PLPPR1: variants seen among roughly 807,000 people sequenced by gnomAD.
PLPPR1 encodes phospholipid phosphatase related 1.
In PLPPR1, 10 loss-of-function variants were observed where a neutral mutation model predicts 33.1. That is an observed-to-expected ratio of 0.30 (90% CI 0.19 to 0.51). PLPPR1 has a LOEUF of 0.51. Among genes scored for constraint, PLPPR1 ranks in the 20% least tolerant of loss-of-function variants. The pLI, the probability that PLPPR1 is intolerant of heterozygous loss-of-function variation, is 0.97. For synonymous variants in PLPPR1, 151 were observed against 151.0 expected, an observed-to-expected ratio of 1.00 and a Z score of 0.00; for missense variants, 304 against 408.1, an observed-to-expected ratio of 0.74 and a Z score of 2.20.
intron 1 of PLPPR1, among the ~76,000 whole-genome samples, chr9:101,128,407 T>G (rs1453778145): frequency 6.6e-6 from 1 of 152,230 alleles, no homozygotes; most frequent in Non-Finnish European, 1.5e-5. Context: ...TGAGATATAA[T>G]AATAATCTTA....
intron 1 of PLPPR1, among the ~76,000 whole-genome samples, chr9:101,071,685 T>A (rs1830484455): frequency 6.6e-6 from 1 of 152,134 alleles, no homozygotes. Flanking sequence ...TGCAGCTTTC[T>A]GGTAATGATA....
chr9:101,038,291 T>G (rs998688730), intron 1 of PLPPR1, among the ~76,000 whole-genome samples: 1 of 152,320 alleles, frequency 6.6e-6, no homozygotes, highest in East Asian at 1.9e-4. Flanking sequence ...TAGAGCTCAG[T>G]TGATATATCT....
intron 2 of PLPPR1, chr9:101,187,384 A>G (rs7037211): frequency 0.58 from 86,756 of 150,660 alleles, 25,740 homozygotes; most frequent in Non-Finnish European, 0.63. Flanking sequence ...GCAGCAACAA[A>G]GGAGATAAAT....
At chr9:101,090,787 T>C (rs1171152230) in intron 1 of PLPPR1, among the ~76,000 whole-genome samples, 3 of 152,182 alleles carry the variant, frequency 2.0e-5, no homozygotes, top group Admixed American at 6.6e-5. Flanking sequence ...CCTTTCCTTC[T>C]TGAAACATAT....
intron 1 of PLPPR1, among the ~76,000 whole-genome samples, chr9:101,110,519 G>C (rs1435528305): frequency 6.6e-6 from 1 of 152,086 alleles, no homozygotes; most frequent in East Asian, 1.9e-4. Flanking sequence ...GTTTTTAATA[G>C]CAAAAATTGA....
intron 7 of PLPPR1, among the ~76,000 whole-genome samples, chr9:101,319,874 A>G (rs1829122619): frequency 6.6e-6 from 1 of 152,186 alleles, no homozygotes; most frequent in African/African-American, 2.4e-5. Context: ...GTGTCCTTGT[A>G]AATGCTATCC....
In PLPPR1 at chr9:101,030,744, G is replaced by T. The variant is rs1829935476; in HGVS notation, c.-46+1642G>T. Among the ~76,000 whole-genome samples, 3 of 152,100 alleles carry T rather than the reference G, an allele frequency of 2.0e-5. No individual in the cohort carries two copies. In the South Asian group the frequency reaches 6.2e-4, roughly 32 times the overall value. On this transcript the variant is annotated intron_variant, in intron 1 of 7. Coordinates refer to ENST00000374874, the MANE Select transcript of PLPPR1 (RefSeq NM_207299.2). ...CTGCTCCTCACGGGTGGGGGTGAGG[G>T]CTTCTCTTCACTTTGAGATGACAGG...
chr9:101,033,578 T>A (rs550644472), intron 1 of PLPPR1, among the ~76,000 whole-genome samples: 60 of 152,132 alleles, frequency 3.9e-4, no homozygotes, highest in African/African-American at 1.4e-3. Context: ...GGAAAGAGCA[T>A]AGGAAGTGAA....
chr9:101,181,649 CATGT>C (rs956277373), intron 1 of PLPPR1, among the ~76,000 whole-genome samples: 3 of 119,916 alleles, frequency 2.5e-5, no homozygotes, highest in African/African-American at 6.1e-5. Flanking sequence ...TATGTATATA[CATGT>C]ATGTATGTAT....
At chr9:101,154,097 C>G (rs1831639811) in intron 1 of PLPPR1, among the ~76,000 whole-genome samples, 1 of 152,020 alleles carries the variant, frequency 6.6e-6, no homozygotes, top group Non-Finnish European at 1.5e-5. Context: ...TGATGTGCTG[C>G]TGGATTTGGT....
chr9:101,194,125 T>C (rs1826350987), intron 2 of PLPPR1, among the ~76,000 whole-genome samples: 1 of 152,220 alleles, frequency 6.6e-6, no homozygotes, highest in Non-Finnish European at 1.5e-5. Flanking sequence ...AAAACTCCTT[T>C]GACGTCTATA....
intron 2 of PLPPR1, among the ~76,000 whole-genome samples, chr9:101,266,211 G>A (rs369540162): frequency 1.8e-4 from 28 of 152,022 alleles, no homozygotes; most frequent in African/African-American, 5.8e-4. Context: ...TGGATCACTC[G>A]AGGTCAAGAG....
intron 4 of PLPPR1, among the ~76,000 whole-genome samples, chr9:101,303,077 C>T (rs1259579587): frequency 1.3e-5 from 2 of 152,000 alleles, no homozygotes; most frequent in Non-Finnish European, 2.9e-5. Context: ...ACCTCCGCCT[C>T]CCACGTTCAA....
At chr9:101,262,177 A>C (rs778198284) in intron 2 of PLPPR1, among the ~76,000 whole-genome samples, 1 of 152,164 alleles carries the variant, frequency 6.6e-6, no homozygotes, top group Non-Finnish European at 1.5e-5. Flanking sequence ...ACACTGCTCT[A>C]AGTACTTGTT....
At chr9:101,113,806 A>G (rs909543545) in intron 1 of PLPPR1, among the ~76,000 whole-genome samples, 1 of 152,182 alleles carries the variant, frequency 6.6e-6, no homozygotes, top group African/African-American at 2.4e-5. Flanking sequence ...AGCAATTTGC[A>G]TATTTCTGCA....
At chr9:101,213,649 C>T (rs10989435) in intron 2 of PLPPR1, among the ~76,000 whole-genome samples, 5,515 of 152,218 alleles carry the variant, frequency 0.036, 152 homozygotes, top group South Asian at 0.11. Context: ...ATAGGATACT[C>T]TTTATCAATT....
intron 7 of PLPPR1, among the ~76,000 whole-genome samples, chr9:101,318,524 C>T (rs760279329): frequency 2.0e-5 from 3 of 152,136 alleles, no homozygotes; most frequent in Non-Finnish European, 2.9e-5. Flanking sequence ...GTAATCCCAG[C>T]ACATTGGGAG....
intron 1 of PLPPR1, among the ~76,000 whole-genome samples, chr9:101,159,012 A>C (rs1489974329): frequency 1.3e-5 from 2 of 152,164 alleles, no homozygotes; most frequent in East Asian, 3.8e-4. Flanking sequence ...ATAAACTTTC[A>C]ATTTTGAGAG....
intron 2 of PLPPR1, among the ~76,000 whole-genome samples, chr9:101,200,185 A>G (rs1826468517): frequency 2.0e-5 from 3 of 152,188 alleles, no homozygotes; most frequent in Admixed American, 2.0e-4. Flanking sequence ...GATGGTAGAT[A>G]AATAATCCAG....
Sources: allele counts gnomAD v4.1 joint callset (sites outside exome capture counted in the v4.1 genomes callset), GRCh38; gene constraint gnomAD v4.1.1; transcripts MANE v1.5; gene names NCBI Gene and HGNC (gene_info 2026-07-23, HGNC 2026-07-21).